POU6F2: variants seen among roughly 807,000 people sequenced by gnomAD.
The protein encoded by POU6F2 is POU class 6 homeobox 2, also known as POU domain, class 6, transcription factor 2.
Under a neutral mutation model 71.3 loss-of-function variants are expected in POU6F2, and 31 were observed. The ratio of observed to expected loss-of-function variants is 0.43; its 90% CI spans 0.33 to 0.59. The LOEUF is 0.59. Ranked by LOEUF, POU6F2 falls within the 20% of genes least tolerant of loss-of-function variation. The pLI, the probability that POU6F2 is intolerant of heterozygous loss-of-function variation, is 0.04. For synonymous variants in POU6F2, 347 were observed against 355.7 expected (o/e 0.98, Z 0.27); for missense variants, 783 against 856.8 (o/e 0.91, Z 1.07).
At position 39,433,057 on chromosome 7, in the gene POU6F2, C is replaced by A. The variant is rs1314326801; in HGVS notation, c.1114-20C>A. The A allele has an allele frequency of 1.2e-6, 2 of 1,611,604 alleles. No homozygotes were observed. Among genetic ancestry groups the A allele is most frequent in the South Asian group, 1.1e-5 (1 of 90,992 alleles). On this transcript the variant is annotated intron_variant, in intron 6 of 9. Transcript: ENST00000518318. The stretch of plus-strand genomic sequence containing the variant: ...GACCCTTCACCGAGCCAGCTCCTCA[C>A]CTTTGGCCCTCTCTTGCAGATTATC...
intron 1 of POU6F2, among the ~76,000 whole-genome samples, chr7:38,996,174 G>A (rs1402784253): frequency 6.6e-6 from 1 of 151,708 alleles, no homozygotes; most frequent in Non-Finnish European, 1.5e-5. Context: ...TGAGTAGCTA[G>A]GATTACAGGT....
chr7:39,135,057 C>T (rs1210421573), intron 2 of POU6F2, among the ~76,000 whole-genome samples: 1 of 151,834 alleles, frequency 6.6e-6, no homozygotes. Context: ...ACTTAGAGAA[C>T]TAAAAACAAA....
At chr7:39,321,243 C>G (rs1361232441) in intron 4 of POU6F2, among the ~76,000 whole-genome samples, 2 of 152,092 alleles carry the variant, frequency 1.3e-5, no homozygotes, top group East Asian at 1.9e-4. Context: ...TGTACCATAA[C>G]CAGGGCATCA....
intron 5 of POU6F2, among the ~76,000 whole-genome samples, chr7:39,374,786 A>G (rs910113617): frequency 6.6e-6 from 1 of 152,204 alleles, no homozygotes; most frequent in Non-Finnish European, 1.5e-5. Context: ...GATCATTGTA[A>G]AGTCCCAAAC....
chr7:39,339,504 A>T, intron 4 of POU6F2, 138 bp from the exon 5 acceptor site: 1 of 1,287,482 alleles, frequency 7.8e-7, no homozygotes, highest in East Asian at 2.6e-5. Flanking sequence ...ACACTCTTAA[A>T]TACCAAAGAG....
intron 4 of POU6F2, among the ~76,000 whole-genome samples, chr7:39,252,738 C>T (rs750174595): frequency 7.6e-4 from 115 of 152,226 alleles, no homozygotes; most frequent in Non-Finnish European, 1.3e-3. Flanking sequence ...CTCAGATGGG[C>T]ACATGGCTTG....
intron 5 of POU6F2, among the ~76,000 whole-genome samples, chr7:39,394,358 C>T (rs1192807954): frequency 1.3e-5 from 2 of 152,148 alleles, no homozygotes; most frequent in African/African-American, 4.8e-5. Flanking sequence ...TATTTTATAA[C>T]TTGATGACTA....
At chr7:39,242,618 G>A (rs1489438266) in intron 4 of POU6F2, among the ~76,000 whole-genome samples, 1 of 152,054 alleles carries the variant, frequency 6.6e-6, no homozygotes, top group Non-Finnish European at 1.5e-5. Flanking sequence ...GTCTTGTTAT[G>A]AAAATCAGAT....
Position 39,464,047 on chromosome 7 carries a change from C to T in POU6F2, c.1659-135C>T. The T allele has an allele frequency of 2.5e-6, 3 of 1,183,428 alleles. No individual in the cohort carries two copies. The South Asian group carries it at 4.4e-5, about 17-fold the overall frequency. The allele number at this position is 1,183,428 out of a possible 1,614,324, so 73.3% of individuals were successfully genotyped here. Reference sequence around the variant, plus strand: ...CTGGGAGGGTGGGCGCTGGCTTGGGCAGGGCTGGCTACCTTGCAGCTGGCT... The same window carrying T: ...CTGGGAGGGTGGGCGCTGGCTTGGGTAGGGCTGGCTACCTTGCAGCTGGCT... On this transcript the variant is annotated intron_variant, in intron 9 of 9. Transcript: ENST00000518318. The surrounding 1 kb of genome is among the most constrained non-coding windows in gnomAD (Gnocchi z 4.1).
intron 1 of POU6F2, among the ~76,000 whole-genome samples, chr7:39,043,470 AG>A (rs986814422): frequency 6.6e-6 from 1 of 151,988 alleles, no homozygotes; most frequent in African/African-American, 2.4e-5. Flanking sequence ...TTCCAAACCA[AG>A]GCAAGTGCTG....
chr7:39,142,798 A>G (rs1792531184), intron 2 of POU6F2, among the ~76,000 whole-genome samples: 1 of 152,206 alleles, frequency 6.6e-6, no homozygotes, highest in Non-Finnish European at 1.5e-5. Context: ...CCTGTAATTC[A>G]TTCCCGAGTT....
intron 2 of POU6F2, among the ~76,000 whole-genome samples, chr7:39,189,941 T>C (rs1490902755): frequency 6.6e-6 from 1 of 152,010 alleles, no homozygotes; most frequent in African/African-American, 2.4e-5. Context: ...TCACCCAGGC[T>C]GGAGTGCAGT....
chr7:39,257,402 ATCT>A (rs1784045448), intron 4 of POU6F2, among the ~76,000 whole-genome samples: 1 of 149,966 alleles, frequency 6.7e-6, no homozygotes, highest in South Asian at 2.1e-4. Context: ...GGGAAAAAAA[ATCT>A]TCTTGTTACA....
At chr7:39,365,428 C>CAAA (rs1786481223) in intron 5 of POU6F2, among the ~76,000 whole-genome samples, 1 of 152,106 alleles carries the variant, frequency 6.6e-6, no homozygotes, top group South Asian at 2.1e-4. Flanking sequence ...CCTAAAACTA[C>CAAA]AAAAATTCTA....
intron 1 of POU6F2, among the ~76,000 whole-genome samples, chr7:38,991,839 TC>T (rs1554304394): frequency 1.3e-5 from 1 of 75,176 alleles, no homozygotes; most frequent in African/African-American, 4.1e-5. Flanking sequence ...TCCTTTCACT[TC>T]TCTCTCTCTC....
At chr7:39,122,865 G>A (rs1054715869) in intron 2 of POU6F2, among the ~76,000 whole-genome samples, 1 of 151,934 alleles carries the variant, frequency 6.6e-6, no homozygotes, top group African/African-American at 2.4e-5. Context: ...ATGCCACCAT[G>A]CCCAGCTAAT....
chr7:39,369,369 C>CT lies in POU6F2; in HGVS notation c.972+29363dup, dbSNP rs530221203. Among the ~76,000 whole-genome samples the CT allele has an allele frequency of 6.3e-3, 938 of 149,542 alleles. 4 individuals are homozygous for CT. The highest frequency in any genetic ancestry group is 0.021 in the African/African-American group (847 of 40,754). ...TTAGCTTTTTTTTTTCTTTTTCTTT[C>CT]TTTTTTTTTGGAGACAGAGTCTGGC... is the stretch of plus-strand genomic sequence containing the variant. On this transcript the variant is annotated intron_variant, in intron 5 of 9. Transcript: ENST00000518318.
At chr7:39,139,869 G>A (rs1197514029) in intron 2 of POU6F2, among the ~76,000 whole-genome samples, 1 of 152,124 alleles carries the variant, frequency 6.6e-6, no homozygotes, top group Admixed American at 6.5e-5. Flanking sequence ...CGGCTATTCT[G>A]GCTCTAGGAA....
At chr7:39,452,269 C>T (rs1788680024) in intron 8 of POU6F2, among the ~76,000 whole-genome samples, 1 of 152,110 alleles carries the variant, frequency 6.6e-6, no homozygotes. Context: ...ATAGGATAAG[C>T]CTGCAAGTCT....
Sources: gnomAD v4.1 joint callset for allele counts (sites outside exome capture counted in the v4.1 genomes callset) on GRCh38, gnomAD v4.1.1 for gene constraint, Gnocchi (gnomAD v3.1) non-coding constraint, MANE v1.5 for transcripts, NCBI Gene and HGNC (gene_info 2026-07-23, HGNC 2026-07-21) for gene names.